The following PTGER3 variants were observed in gnomAD, a reference collection of about 807,000 sequenced individuals.
PTGER3 encodes prostaglandin E receptor 3, also known as prostaglandin E2 receptor EP3 subtype.
Under a neutral mutation model 34.7 loss-of-function variants are expected in PTGER3, and 22 were observed. The observed-to-expected ratio is 0.63, with a 90% CI of 0.45 to 0.91. The LOEUF (loss-of-function observed/expected upper bound fraction) is 0.91, where lower values mean the gene tolerates loss of function less well. PTGER3 is among the 40% of genes least tolerant of loss of function. The pLI is 0.00. For missense variants in PTGER3, 468 were observed against 519.4 expected (o/e 0.90, Z 0.96); for synonymous variants, 241 against 230.1 (o/e 1.05, Z -0.43).
chr1:70,970,489 C>T (rs1409452973), downstream of PTGER3, among the ~76,000 whole-genome samples: 1 of 152,150 alleles, frequency 6.6e-6, no homozygotes, highest in Non-Finnish European at 1.5e-5. Flanking sequence ...AAGGACTCTA[C>T]TATTGAGTCA....
At chr1:70,857,422 A>C (rs1458680311) in intron 4 of PTGER3, among the ~76,000 whole-genome samples, 1 of 151,714 alleles carries the variant, frequency 6.6e-6, no homozygotes, top group Non-Finnish European at 1.5e-5. Flanking sequence ...TTTTCCCCTG[A>C]TAGTTCAGGT....
chr1:70,908,190 C>A (rs553474066), intron 4 of PTGER3, among the ~76,000 whole-genome samples: 1 of 152,258 alleles, frequency 6.6e-6, no homozygotes, highest in Non-Finnish European at 1.5e-5. Flanking sequence ...CCCGAGGAGA[C>A]AATTATTTTA....
At chr1:71,028,934 G>A (rs994676882) in intron 1 of PTGER3, among the ~76,000 whole-genome samples, 10 of 152,060 alleles carry the variant, frequency 6.6e-5, no homozygotes, top group African/African-American at 2.4e-4. Context: ...GATTCAAGTT[G>A]GATTAGTGGC....
At chr1:70,852,433 C>T (rs533964938) in exon 5 of PTGER3, 151 of 174,270 alleles carry the variant, frequency 8.7e-4, no homozygotes, top group Non-Finnish European at 1.2e-3. Context: ...TTTCCCTTGG[C>T]GGGAGATTGT....
At chr1:71,028,926 T>C (rs1322294763) in intron 1 of PTGER3, among the ~76,000 whole-genome samples, 3 of 152,220 alleles carry the variant, frequency 2.0e-5, no homozygotes, top group Non-Finnish European at 4.4e-5. Context: ...ATTCATTAGA[T>C]TCAAGTTGGA....
intron 4 of PTGER3, among the ~76,000 whole-genome samples, chr1:70,944,081 A>G (rs888597539): frequency 2.0e-5 from 3 of 152,134 alleles, no homozygotes; most frequent in Admixed American, 2.0e-4. Flanking sequence ...TTAAATTAGT[A>G]TAGTTGACAT....
chr1:71,030,218 T>A (rs1226807946), intron 1 of PTGER3, among the ~76,000 whole-genome samples: 1 of 152,158 alleles, frequency 6.6e-6, no homozygotes, highest in Admixed American at 6.6e-5. Flanking sequence ...TGAAGCCTTT[T>A]AATCTGGGTG....
intron 4 of PTGER3, among the ~76,000 whole-genome samples, chr1:70,926,321 G>C (rs1356666124): frequency 6.6e-6 from 1 of 152,176 alleles, no homozygotes; most frequent in African/African-American, 2.4e-5. Context: ...AGCATGGAAT[G>C]TTCTTTCATT....
intron 4 of PTGER3, among the ~76,000 whole-genome samples, chr1:70,899,117 C>T (rs1321989145): frequency 6.6e-6 from 1 of 152,154 alleles, no homozygotes; most frequent in Non-Finnish European, 1.5e-5. Flanking sequence ...CAAAATGCTC[C>T]AGGTAGAATC....
At chr1:71,020,417 T>C (rs139357472) in intron 1 of PTGER3, among the ~76,000 whole-genome samples, 38 of 152,282 alleles carry the variant, frequency 2.5e-4, no homozygotes, top group Admixed American at 2.5e-3. Context: ...CTCTGAACTT[T>C]ATTAAATTTA....
chr1:71,047,693 C>T lies in PTGER3; in HGVS notation c.-116G>A, dbSNP rs957711058. On this transcript the variant is annotated 5_prime_UTR_variant, in exon 1 of 4. Transcript: ENST00000306666. The stretch of plus-strand genomic sequence containing the variant: ...ACCGCGGCTGGGGCTGGGCTGCCCC[C>T]CATGGTGCGGGGCGCAGCCGCCGCC... 46 of 1,256,746 alleles carry T rather than the reference C, an allele frequency of 3.7e-5. No individual in the cohort carries two copies. The highest frequency in any genetic ancestry group is 4.2e-5 in the Non-Finnish European group (40 of 943,968). 77.8% of individuals were successfully genotyped at this position (1,256,746 alleles called of 1,614,324 possible). A position where few individuals can be genotyped will look rare whatever the true frequency, so the allele number is the denominator to read the frequency against.
At chr1:70,894,836 T>C (rs1449852694) in intron 4 of PTGER3, among the ~76,000 whole-genome samples, 1 of 152,192 alleles carries the variant, frequency 6.6e-6, no homozygotes, top group Non-Finnish European at 1.5e-5. Flanking sequence ...AGTTTAAGTA[T>C]TGTGCCTGAA....
intron 4 of PTGER3, among the ~76,000 whole-genome samples, chr1:70,938,774 C>T (rs1453705482): frequency 6.6e-6 from 1 of 152,140 alleles, no homozygotes; most frequent in East Asian, 1.9e-4. Flanking sequence ...AAAGACCAGC[C>T]CCCATGATTC....
At position 71,043,623 on chromosome 1, in the gene PTGER3, T is replaced by G. The variant is rs76575009; in HGVS notation, c.897+3058A>C. Among the ~76,000 whole-genome samples the G allele has an allele frequency of 2.2e-3, 332 of 152,304 alleles. 3 individuals are homozygous for G. The Middle Eastern group carries it at 0.041, about 19-fold the overall frequency. ...ACGAATGCTAGCAGGAAACCTATATTACACTCATAGTTAGAAAAAACAGCG... is the reference window on the plus strand; with the variant it reads ...ACGAATGCTAGCAGGAAACCTATATGACACTCATAGTTAGAAAAAACAGCG... On this transcript the variant is annotated intron_variant, in intron 1 of 3. Coordinates refer to ENST00000306666, the MANE Select transcript of PTGER3 (RefSeq NM_198719.2).
chr1:71,011,997 A>G (rs1657489221), intron 2 of PTGER3: 4 of 1,368,732 alleles, frequency 2.9e-6, no homozygotes, highest in Non-Finnish European at 3.8e-6. Flanking sequence ...GGCAGACTCA[A>G]CAAAAACACT....
chr1:70,883,452 T>C (rs1202013612), intron 4 of PTGER3, among the ~76,000 whole-genome samples: 2 of 152,192 alleles, frequency 1.3e-5, no homozygotes, highest in East Asian at 1.9e-4. Flanking sequence ...GTATACCAAT[T>C]AGGTGACTTA....
intron 2 of PTGER3, chr1:71,006,820 C>A: frequency 1.0e-6 from 1 of 985,334 alleles, no homozygotes; most frequent in Non-Finnish European, 1.2e-6. Context: ...GTAAAGTATT[C>A]CTGACGTGAG....
intron 1 of PTGER3, among the ~76,000 whole-genome samples, chr1:71,025,421 A>T (rs1277148339): frequency 1.3e-5 from 2 of 152,106 alleles, no homozygotes; most frequent in Non-Finnish European, 2.9e-5. Flanking sequence ...TGTATATCTA[A>T]TAACATTTAT....
chr1:70,922,973 C>G (rs749964203), intron 4 of PTGER3, among the ~76,000 whole-genome samples: 26 of 152,048 alleles, frequency 1.7e-4, no homozygotes, highest in South Asian at 2.1e-4. Flanking sequence ...TTTCTTAGAG[C>G]AAAAACCTGC....
Sources: gnomAD v4.1 joint callset for allele counts (sites outside exome capture counted in the v4.1 genomes callset) on GRCh38, gnomAD v4.1.1 for gene constraint, MANE v1.5 for transcripts, NCBI Gene and HGNC (gene_info 2026-07-23, HGNC 2026-07-21) for gene names.